Variants in PDK3 observed in about 807,000 individuals in gnomAD.
PDK3 encodes pyruvate dehydrogenase kinase, isozyme 3.
In PDK3, 12 loss-of-function variants were observed where a neutral mutation model predicts 32.0. The ratio of observed to expected loss-of-function variants is 0.37; its 90% CI spans 0.24 to 0.61. The LOEUF (loss-of-function observed/expected upper bound fraction) is 0.61. Among genes scored for constraint, PDK3 ranks in the 20% least tolerant of loss-of-function variants. The pLI, the probability that PDK3 is intolerant of heterozygous loss-of-function variation, is 0.65. For synonymous variants in PDK3, 122 were observed against 116.3 expected, an observed-to-expected ratio of 1.05 and a Z score of -0.31; for missense variants, 188 against 316.9, an observed-to-expected ratio of 0.59 and a Z score of 3.09.
exon 12 of PDK3, chrX:24,548,500 G>A (rs1259247342): frequency 1.8e-5 from 2 of 111,747 alleles, no homozygotes; most frequent in African/African-American, 6.5e-5. Flanking sequence ...TTTGCAAATG[G>A]GTCAAAACAG....
chrX:24,511,032 G>A (rs1367559381), intron 5 of PDK3, among the ~76,000 whole-genome samples: 1 of 112,298 alleles, frequency 8.9e-6, no homozygotes, highest in Non-Finnish European at 1.9e-5. Context: ...GGCACAGAGC[G>A]CCAAAGGTTG....
exon 12 of PDK3, chrX:24,549,368 G>A (rs1235906901): frequency 8.9e-6 from 1 of 111,932 alleles, no homozygotes; most frequent in East Asian, 2.8e-4. Context: ...AATGAATTGT[G>A]CATCTATTTA....
At chrX:24,523,033 T>A (rs900018789) in intron 6 of PDK3, among the ~76,000 whole-genome samples, 3 of 111,894 alleles carry the variant, frequency 2.7e-5, no homozygotes, top group Admixed American at 1.9e-4. Context: ...TAGGCTGCTA[T>A]AACAAAAATA....
At chrX:24,512,567 A>G (rs1234858077) in intron 5 of PDK3, among the ~76,000 whole-genome samples, 1 of 111,656 alleles carries the variant, frequency 9.0e-6, no homozygotes, top group Non-Finnish European at 1.9e-5. Flanking sequence ...TGGAATTATC[A>G]GCCTGGCCAA....
At chrX:24,539,082 G>A (rs931353501), downstream of PDK3, 14 of 753,909 alleles carry the variant, frequency 1.9e-5, no homozygotes, top group Admixed American at 2.7e-5. Flanking sequence ...TCAAAACAGA[G>A]GAGGTTGTAC....
At position 24,473,251 on chromosome X, in the gene PDK3, A is replaced by G. The variant is rs1307406932; in HGVS notation, c.106+7690A>G. On this transcript the variant is annotated intron_variant, in intron 1 of 10. Transcript: ENST00000379162. ...TAGCCAGGCATGGTGGTGGGCGCCT[A>G]TAGTCCCAGGTACTCGGGAGGCTGA... 3.8e-5 allele frequency among the ~76,000 whole-genome samples: 4 copies of G among 104,529 alleles called. No individual in the cohort carries two copies. The East Asian group carries it at 9.8e-4, about 26-fold the overall frequency. 90.8% of individuals were successfully genotyped at this position (104,529 alleles called of 115,157 possible). A position where few individuals can be genotyped will look rare whatever the true frequency, so the allele number is the denominator to read the frequency against.
At position 24,465,335 on chromosome X, in the gene PDK3, G is replaced by T; in HGVS notation, c.-121G>T. 1 of 433,538 alleles carries T rather than the reference G, an allele frequency of 2.3e-6. No individual in the cohort carries two copies. Among genetic ancestry groups the T allele is most frequent in the South Asian group, 5.3e-5 (1 of 18,837 alleles). The allele number at this position is 433,538 out of a possible 1,213,427, so 35.7% of individuals were successfully genotyped here. A position where few individuals can be genotyped will look rare whatever the true frequency, so the allele number is the denominator to read the frequency against. Reference sequence around the variant, plus strand: ...CTGCGGCGGCTGCACCGGCGGCGCCGAGGCCGAGATCGAGGCCGGGGTGCG... The same window carrying T: ...CTGCGGCGGCTGCACCGGCGGCGCCTAGGCCGAGATCGAGGCCGGGGTGCG... On this transcript the variant is annotated 5_prime_UTR_variant, in exon 1 of 11. Coordinates refer to ENST00000379162, the MANE Select transcript of PDK3 (RefSeq NM_005391.5).
At chrX:24,531,406 T>TA (rs1486342810) in intron 9 of PDK3, among the ~76,000 whole-genome samples, 6 of 112,479 alleles carry the variant, frequency 5.3e-5, no homozygotes, top group African/African-American at 3.2e-5. Flanking sequence ...TTTAAAATGC[T>TA]AAAAAAGCAT....
At chrX:24,532,170 G>A (rs979819844) in intron 10 of PDK3, among the ~76,000 whole-genome samples, 1 of 110,844 alleles carries the variant, frequency 9.0e-6, no homozygotes, top group Non-Finnish European at 1.9e-5. Context: ...GGAGGCTGAG[G>A]CAGGAGAGTC....
chrX:24,471,044 G>A (rs1920986377), intron 1 of PDK3, among the ~76,000 whole-genome samples: 2 of 110,381 alleles, frequency 1.8e-5, no homozygotes, highest in Admixed American at 2.0e-4. Flanking sequence ...CACACACCAG[G>A]GCCTGTCGGG....
chrX:24,484,114 C>T (rs1921336047), intron 1 of PDK3, among the ~76,000 whole-genome samples: 1 of 111,053 alleles, frequency 9.0e-6, no homozygotes, highest in African/African-American at 3.3e-5. Context: ...CAGGTTCAAG[C>T]GATTTTCATG....
intron 1 of PDK3, among the ~76,000 whole-genome samples, chrX:24,467,936 T>C (rs1248401342): frequency 2.7e-5 from 3 of 111,541 alleles, no homozygotes; most frequent in Non-Finnish European, 5.7e-5. Context: ...TTGGCACCAA[T>C]TCAGTATATT....
chrX:24,479,786 A>G (rs1021168505), intron 1 of PDK3, among the ~76,000 whole-genome samples: 10 of 110,875 alleles, frequency 9.0e-5, no homozygotes, highest in Non-Finnish European at 9.4e-5. Context: ...CTCCGTCTCA[A>G]AAAAAACAAA....
intron 5 of PDK3, among the ~76,000 whole-genome samples, chrX:24,512,223 A>G (rs1293675038): frequency 8.9e-6 from 1 of 111,958 alleles, no homozygotes; most frequent in Non-Finnish European, 1.9e-5. Context: ...GTAAGAAGCT[A>G]GGAAATAAAA....
At chrX:24,487,215 AATC>A (rs1045280025) in intron 1 of PDK3, among the ~76,000 whole-genome samples, 3 of 112,639 alleles carry the variant, frequency 2.7e-5, no homozygotes, top group African/African-American at 9.7e-5. Context: ...CTATTCAATT[AATC>A]ATTGTTTAAC....
At chrX:24,508,814 G>A (rs1156823703) in intron 5 of PDK3, among the ~76,000 whole-genome samples, 2 of 111,221 alleles carry the variant, frequency 1.8e-5, no homozygotes, top group African/African-American at 6.6e-5. Flanking sequence ...CTGGGTTCAA[G>A]CAATTCTCCT....
At chrX:24,514,798 G>A (rs899030206) in intron 5 of PDK3, among the ~76,000 whole-genome samples, 4 of 111,638 alleles carry the variant, frequency 3.6e-5, no homozygotes, top group Non-Finnish European at 5.6e-5. Flanking sequence ...AAGTGGCCTA[G>A]CTTCTCTTCC....
At chrX:24,497,442 G>A (rs1047644569) in intron 2 of PDK3, among the ~76,000 whole-genome samples, 6 of 111,404 alleles carry the variant, frequency 5.4e-5, no homozygotes, top group East Asian at 5.7e-4. Flanking sequence ...GTGCCACCAC[G>A]CCCAGCTAAT....
chrX:24,533,895 C>A, intron 10 of PDK3, 34 bp from the exon 11 acceptor site: 1 of 1,155,381 alleles, frequency 8.7e-7, no homozygotes, highest in Non-Finnish European at 1.2e-6. Flanking sequence ...ATGACACTGT[C>A]GACCTTTGGT....
Sources: gnomAD v4.1 joint callset for allele counts (sites outside exome capture counted in the v4.1 genomes callset) on GRCh38, gnomAD v4.1.1 for gene constraint, MANE v1.5 for transcripts, NCBI Gene and HGNC (gene_info 2026-07-23, HGNC 2026-07-21) for gene names.